GABBR2: variants seen among roughly 807,000 people sequenced by gnomAD.
GABBR2 encodes G-protein coupled receptor 51.
Under a neutral mutation model 105.6 loss-of-function variants are expected in GABBR2, and 23 were observed. The observed-to-expected ratio is 0.22, with a 90% CI of 0.16 to 0.31. GABBR2 has a LOEUF of 0.31. Among genes scored for constraint, GABBR2 ranks in the 10% least tolerant of loss-of-function variants. The pLI is 1.00. For missense variants in GABBR2, 734 were observed against 1,245.5 expected (o/e 0.59, Z 6.18); for synonymous variants, 478 against 499.7 (o/e 0.96, Z 0.58).
chr9:98,538,625 C>T (rs1221287011), intron 3 of GABBR2: 1 of 983,536 alleles, frequency 1.0e-6, no homozygotes, highest in Non-Finnish European at 1.2e-6. Context: ...TACCCGCTTC[C>T]ATAGTCCTAA....
intron 1 of GABBR2, among the ~76,000 whole-genome samples, chr9:98,635,970 G>A (rs1032075485): frequency 2.0e-5 from 3 of 152,050 alleles, no homozygotes; most frequent in Non-Finnish European, 2.9e-5. Flanking sequence ...CCATGCACCC[G>A]GTTCTGACTC....
chr9:98,324,808 T>C (rs892903438), intron 13 of GABBR2, among the ~76,000 whole-genome samples: 24 of 152,190 alleles, frequency 1.6e-4, no homozygotes, highest in Non-Finnish European at 2.8e-4. Context: ...CCTCCTCTGA[T>C]GACGGAGTTA....
intron 13 of GABBR2, among the ~76,000 whole-genome samples, chr9:98,351,214 G>T (rs957025106): frequency 6.6e-6 from 1 of 152,040 alleles, no homozygotes; most frequent in Non-Finnish European, 1.5e-5. Context: ...TTTAATTGAG[G>T]TATTTAAACC....
At chr9:98,385,908 T>C (rs901225846) in intron 10 of GABBR2, 136 bp from the exon 11 acceptor site, 8 of 677,120 alleles carry the variant, frequency 1.2e-5, no homozygotes, top group Admixed American at 1.1e-4. Context: ...AAATACGCCA[T>C]GGGGCCTCAG....
intron 17 of GABBR2, among the ~76,000 whole-genome samples, chr9:98,295,812 CTG>C: frequency 6.6e-6 from 1 of 152,240 alleles, no homozygotes; most frequent in Non-Finnish European, 1.5e-5. Context: ...GCTTGAGCCA[CTG>C]TGCTCAGCCT....
At chr9:98,307,697 T>C (rs1830572814) in intron 14 of GABBR2, among the ~76,000 whole-genome samples, 1 of 149,158 alleles carries the variant, frequency 6.7e-6, no homozygotes, top group African/African-American at 2.5e-5. Context: ...TCAACGTCTG[T>C]GGACTGGGAA....
intron 1 of GABBR2, among the ~76,000 whole-genome samples, chr9:98,622,828 A>G (rs2131822681): frequency 6.6e-6 from 1 of 152,326 alleles, no homozygotes; most frequent in Middle Eastern, 3.4e-3. Flanking sequence ...TGGCTTCAAT[A>G]ACACAGAGAC....
chr9:98,412,836 G>A (rs188441379), intron 7 of GABBR2, among the ~76,000 whole-genome samples: 2 of 152,220 alleles, frequency 1.3e-5, no homozygotes, highest in African/African-American at 4.8e-5. Context: ...AGGAATGAGT[G>A]CTCAGAGAGG....
chr9:98,562,994 C>T (rs956854337), intron 2 of GABBR2, among the ~76,000 whole-genome samples: 3 of 138,684 alleles, frequency 2.2e-5, no homozygotes, highest in Non-Finnish European at 3.0e-5. Context: ...CGCTTGAGCC[C>T]GGGAAATGGA....
chr9:98,457,644 G>C (rs1165517762), intron 6 of GABBR2, among the ~76,000 whole-genome samples: 12 of 152,186 alleles, frequency 7.9e-5, no homozygotes, highest in Non-Finnish European at 1.6e-4. Flanking sequence ...AGAGTCCTTG[G>C]AATCAGACAC....
intron 7 of GABBR2, among the ~76,000 whole-genome samples, chr9:98,421,739 AG>A (rs1832785693): frequency 6.6e-6 from 1 of 152,236 alleles, no homozygotes; most frequent in African/African-American, 2.4e-5. Flanking sequence ...CATAAATCAA[AG>A]GGATGTTTAA....
intron 2 of GABBR2, among the ~76,000 whole-genome samples, chr9:98,546,542 G>T (rs565166086): frequency 6.6e-6 from 1 of 152,280 alleles, no homozygotes; most frequent in East Asian, 1.9e-4. Context: ...AAACCTGTTT[G>T]TCATTTTATT....
At position 98,473,224 on chromosome 9, in the gene GABBR2, C is replaced by T. The variant is rs2131630838; in HGVS notation, c.921G>A (p.Leu307=). The T allele has an allele frequency of 1.2e-6, 2 of 1,613,942 alleles. No individual in the cohort carries two copies. Among genetic ancestry groups the T allele is most frequent in the South Asian group, 2.2e-5 (2 of 91,028 alleles). ...ANSSRCLRKN[L]LAAMEGYIGV... ...CAATGTAGCCCTCCATGGCAGCAAGCAGATTCTTCCGGAGGCAGCGGGATG... is the reference window on the plus strand; with the variant it reads ...CAATGTAGCCCTCCATGGCAGCAAGTAGATTCTTCCGGAGGCAGCGGGATG... Residue 307 remains leucine, a synonymous_variant, in exon 6 of 19, where the codon CTG becomes CTA. Transcript: ENST00000259455.
chr9:98,299,449 A>G (rs557519512), intron 16 of GABBR2, 96 bp from the exon 17 acceptor site: 1 of 1,365,190 alleles, frequency 7.3e-7, no homozygotes, highest in South Asian at 1.2e-5. Context: ...CTGGGCCTTT[A>G]CCTGTATTCA....
intron 7 of GABBR2, among the ~76,000 whole-genome samples, chr9:98,437,577 C>T (rs879714470): frequency 6.6e-6 from 1 of 151,942 alleles, no homozygotes; most frequent in Non-Finnish European, 1.5e-5. Context: ...ATCCATCCAC[C>T]CACAAACTCA....
In GABBR2 at chr9:98,388,588, C is replaced by T. The variant is rs917519740; in HGVS notation, c.1529+266G>A. Among the ~76,000 whole-genome samples, 1 of 151,226 alleles carries T rather than the reference C, an allele frequency of 6.6e-6. No individual in the cohort carries two copies. Among genetic ancestry groups the T allele is most frequent in the Non-Finnish European group, 1.5e-5 (1 of 67,954 alleles). ...ATTTAACTTCCTCAAACTTATTTGA[C>T]TAAACTCCTGTGCAACCAGCAGCCT... On this transcript the variant is annotated intron_variant, in intron 10 of 18. Transcript: ENST00000259455. The surrounding 1 kb of genome is among the most constrained non-coding windows in gnomAD (Gnocchi z 4.4).
intron 2 of GABBR2, among the ~76,000 whole-genome samples, chr9:98,576,750 A>G (rs765814364): frequency 7.2e-5 from 11 of 152,182 alleles, no homozygotes; most frequent in Non-Finnish European, 1.6e-4. Context: ...CAACCTTAAT[A>G]ATATTATTAT....
intron 1 of GABBR2, chr9:98,581,008 C>G (rs901936776): frequency 2.0e-5 from 3 of 152,278 alleles, no homozygotes; most frequent in Non-Finnish European, 2.9e-5. Context: ...CTCCTCTGAT[C>G]TGTGACCCAT....
chr9:98,345,430 A>C (rs1229829187), intron 13 of GABBR2, among the ~76,000 whole-genome samples: 1 of 152,226 alleles, frequency 6.6e-6, no homozygotes, highest in Non-Finnish European at 1.5e-5. Context: ...AGTTTTGGCC[A>C]TCAAAACTAT....
Sources: allele counts gnomAD v4.1 joint callset (sites outside exome capture counted in the v4.1 genomes callset), GRCh38; gene constraint gnomAD v4.1.1; non-coding constraint Gnocchi (gnomAD v3.1); transcripts MANE v1.5; gene names NCBI Gene and HGNC (gene_info 2026-07-23, HGNC 2026-07-21).